The following GBF1 variants were observed in gnomAD, a reference collection of about 807,000 sequenced individuals.
GBF1 encodes Golgi-specific brefeldin A-resistance guanine nucleotide exchange factor 1.
In GBF1, 114 loss-of-function variants were observed where a neutral mutation model predicts 210.5. The observed-to-expected ratio is 0.54, with a 90% CI of 0.47 to 0.63. The LOEUF (loss-of-function observed/expected upper bound fraction) is 0.63, where lower values mean the gene tolerates loss of function less well. GBF1 is among the 30% of genes least tolerant of loss of function. GBF1 has a pLI of 0.00. For synonymous variants in GBF1, 850 were observed against 889.2 expected (o/e 0.96, Z 0.78); for missense variants, 1,851 against 2,357.7 (o/e 0.79, Z 4.45).
At chr10:102,266,681 A>ATT (rs2073905569) in intron 3 of GBF1, among the ~76,000 whole-genome samples, 3 of 152,228 alleles carry the variant, frequency 2.0e-5, no homozygotes, top group Admixed American at 1.3e-4. Flanking sequence ...ACAATAGCTC[A>ATT]TATTTGCTTA....
intron 3 of GBF1, among the ~76,000 whole-genome samples, chr10:102,276,245 G>C (rs1424200093): frequency 1.4e-5 from 2 of 144,244 alleles, no homozygotes; most frequent in Non-Finnish European, 3.0e-5. Flanking sequence ...TCCAAAAAAA[G>C]GCCTGGCGCG....
intron 1 of GBF1, among the ~76,000 whole-genome samples, chr10:102,251,289 A>AGT (rs1265369887): frequency 6.6e-6 from 1 of 152,172 alleles, no homozygotes; most frequent in Non-Finnish European, 1.5e-5. Context: ...AAGGTTTGCC[A>AGT]GTGTGGCTCA....
chr10:102,268,371 A>G (rs1419047682), intron 3 of GBF1, among the ~76,000 whole-genome samples: 1 of 152,234 alleles, frequency 6.6e-6, no homozygotes, highest in Non-Finnish European at 1.5e-5. Flanking sequence ...AAGCATTCTT[A>G]ATAGTTTAGC....
intron 1 of GBF1, among the ~76,000 whole-genome samples, chr10:102,248,931 A>C (rs113479213): frequency 8.5e-4 from 129 of 152,296 alleles, no homozygotes; most frequent in African/African-American, 3.1e-3. Context: ...CACCATGCTC[A>C]ACCCATTCCT....
intron 1 of GBF1, among the ~76,000 whole-genome samples, chr10:102,258,149 G>T (rs1405409931): frequency 8.6e-6 from 1 of 116,414 alleles, no homozygotes; most frequent in East Asian, 2.7e-4. Flanking sequence ...TAGTATTACA[G>T]ATTTTTTTTT....
chr10:102,231,456 G>A, the GBF1 span: 4 of 652,760 alleles, frequency 6.1e-6, no homozygotes, highest in East Asian at 2.7e-5. Context: ...GCGTGGGGCT[G>A]CGGCCGGGAG....
At chr10:102,381,078 G>C in intron 38 of GBF1, 49 bp from the exon 39 acceptor site, 1 of 1,586,522 alleles carries the variant, frequency 6.3e-7, no homozygotes, top group Non-Finnish European at 8.6e-7. Flanking sequence ...GGCTCTGCTG[G>C]AGAGAGAAAG....
intron 3 of GBF1, among the ~76,000 whole-genome samples, chr10:102,318,215 T>C (rs1258906665): frequency 6.6e-6 from 1 of 150,538 alleles, no homozygotes; most frequent in Admixed American, 6.6e-5. Context: ...TATTTTAAGA[T>C]AGTGTCTCAC....
rs956397389 is a variant in GBF1 at position 102,339,626 on chromosome 10, A to G, written c.164-4425A>G. Among the ~76,000 whole-genome samples, 7 of 152,016 alleles carry G rather than the reference A, an allele frequency of 4.6e-5. No homozygotes were observed. In the South Asian group the frequency reaches 1.5e-3, roughly 32 times the overall value. ...GGTTGCAGTGAGCCAAGATCGAGCC[A>G]CTGCACTCTAGCCTGGGTAACAGAG... On this transcript the variant is annotated intron_variant, in intron 3 of 39. Transcript: ENST00000369983.
At chr10:102,356,582 G>T (rs1000966095) in intron 8 of GBF1, among the ~76,000 whole-genome samples, 15 of 152,006 alleles carry the variant, frequency 9.9e-5, no homozygotes, top group African/African-American at 3.6e-4. Flanking sequence ...TGGCTAGCAC[G>T]GTGAAACCCC....
In GBF1 at chr10:102,366,326, A is replaced by G; in HGVS notation, c.2310-57A>G. ...AGGTTAGGAGGACAGTGACTAAAAG[A>G]GCCTGACATGTGCAGCTTACACATT... On this transcript the variant is annotated intron_variant, in intron 18 of 39. Transcript: ENST00000369983. This position sits in a 1 kb window ranked among gnomAD's most constrained non-coding sequence, Gnocchi z 4.0. 1 of 1,603,894 alleles carries G rather than the reference A, an allele frequency of 6.2e-7. No homozygotes were observed. The highest frequency in any genetic ancestry group is 1.1e-5 in the South Asian group (1 of 90,698).
chr10:102,245,946 G>A (rs1252466814), intron 1 of GBF1, among the ~76,000 whole-genome samples, 165 bp downstream of exon 1: 1 of 152,198 alleles, frequency 6.6e-6, no homozygotes, highest in Admixed American at 6.5e-5. Flanking sequence ...GGAACAGGGA[G>A]GTATGCAGGG....
chr10:102,242,928 C>CAAAAAAAAAAAAAAAAAAAAAAA (rs58301527), upstream of GBF1, among the ~76,000 whole-genome samples: 33 of 132,408 alleles, frequency 2.5e-4, no homozygotes, highest in African/African-American at 9.5e-4. Context: ...GACTCTGTCT[C>CAAAAAAAAAAAAAAAAAAAAAAA]AAAAAAAAAA....
chr10:102,358,528 G>A lies in GBF1; in HGVS notation c.810G>A (p.Val270=). 3.7e-6 allele frequency: 6 copies of A among 1,613,326 alleles called. No individual in the cohort carries two copies. The highest frequency in any genetic ancestry group is 5.1e-6 in the Non-Finnish European group (6 of 1,179,300). Residue 270 remains valine (V), a synonymous_variant, in exon 10 of 40, where the codon GTG becomes GTA. Coordinates refer to ENST00000369983, the MANE Select transcript of GBF1 (RefSeq NM_001377137.1). ...CAGGTGGCATGCCCTTCATTGATGT[G>A]CCCACTCCCATCTCCTCTGCAAGTT... ...NLTGGMPFID[V]PTPISSASSE...
chr10:102,245,948 T>TA (rs1209800632), intron 1 of GBF1, among the ~76,000 whole-genome samples, 167 bp downstream of exon 1: 1 of 151,974 alleles, frequency 6.6e-6, no homozygotes, highest in East Asian at 1.9e-4. Context: ...AACAGGGAGG[T>TA]ATGCAGGGGC....
In GBF1 at chr10:102,380,576, C is replaced by G. The variant is rs2060782585; in HGVS notation, c.5063C>G (p.Ala1688Gly). The G allele has an allele frequency of 1.9e-6, 3 of 1,614,034 alleles. No homozygotes were observed. The highest frequency in any genetic ancestry group is 2.5e-6 in the Non-Finnish European group (3 of 1,179,906). The change falls in exon 38 of 40, where the codon GCA (alanine) becomes GGA (glycine). Residue 1688 changes from alanine to glycine, a missense_variant. This residue lies in a region of GBF1 where 967 missense variants were observed against 1,247.7 expected (regional missense o/e 0.78). Coordinates refer to ENST00000369983, the MANE Select transcript of GBF1 (RefSeq NM_001377137.1). ...GACACAGCGGAGATTTTCCACAGTG[C>G]AGATGCACGGGGAGGCGGCCCCTCG... ...VMDTAEIFHS[A>G]DARGGGPSAL...
chr10:102,276,044 C>T (rs1021070825), intron 3 of GBF1, among the ~76,000 whole-genome samples: 4 of 151,390 alleles, frequency 2.6e-5, no homozygotes, highest in Admixed American at 6.6e-5. Context: ...CTAGACCAGC[C>T]TGGCCAACAT....
chr10:102,289,370 G>A (rs887317326), intron 3 of GBF1, among the ~76,000 whole-genome samples: 3 of 152,178 alleles, frequency 2.0e-5, no homozygotes, highest in African/African-American at 4.8e-5. Flanking sequence ...GGAGGTGGGT[G>A]GAAGTGTGGG....
At chr10:102,289,681 A>G (rs906938262) in intron 3 of GBF1, among the ~76,000 whole-genome samples, 2 of 152,226 alleles carry the variant, frequency 1.3e-5, no homozygotes, top group African/African-American at 4.8e-5. Flanking sequence ...ATAACTGGGA[A>G]AATCCTTTGG....
Sources: gnomAD v4.1 joint callset for allele counts (sites outside exome capture counted in the v4.1 genomes callset) on GRCh38, gnomAD v4.1.1 for gene constraint, gnomAD v4.1.1 regional missense constraint, Gnocchi (gnomAD v3.1) non-coding constraint, MANE v1.5 for transcripts, NCBI Gene and HGNC (gene_info 2026-07-23, HGNC 2026-07-21) for gene names.